SLC9A4: variants seen among roughly 807,000 people sequenced by gnomAD.
The protein encoded by SLC9A4 is sodium/hydrogen exchanger 4.
In SLC9A4, 63 loss-of-function variants were observed where a neutral mutation model predicts 67.4. The observed-to-expected ratio is 0.93, with a 90% CI of 0.76 to 1.15. The LOEUF (loss-of-function observed/expected upper bound fraction) is 1.15. SLC9A4 is among the 50% of genes most tolerant of loss of function. The pLI, the probability that SLC9A4 is intolerant of heterozygous loss-of-function variation, is 0.00. For missense variants in SLC9A4, 1,089 were observed against 987.7 expected, an observed-to-expected ratio of 1.10 and a Z score of -1.38; for synonymous variants, 393 against 367.2, an observed-to-expected ratio of 1.07 and a Z score of -0.80.
intron 9 of SLC9A4, among the ~76,000 whole-genome samples, chr2:102,523,292 A>C (rs11123935): frequency 6.6e-6 from 1 of 151,992 alleles, no homozygotes; most frequent in South Asian, 2.1e-4. Flanking sequence ...CCTTCTTTAC[A>C]ACACTATTTT....
At chr2:102,479,607 C>T (rs905099472) in intron 2 of SLC9A4, among the ~76,000 whole-genome samples, 2 of 152,216 alleles carry the variant, frequency 1.3e-5, no homozygotes, top group Non-Finnish European at 2.9e-5. Flanking sequence ...GAAACTGTTG[C>T]TAATGGCCCT....
At chr2:102,480,847 C>T (rs1684447071) in intron 2 of SLC9A4, among the ~76,000 whole-genome samples, 1 of 152,182 alleles carries the variant, frequency 6.6e-6, no homozygotes, top group African/African-American at 2.4e-5. Context: ...CCTGTACTTG[C>T]CAAGGGGAGG....
chr2:102,474,606 A>G (rs1161791445), intron 1 of SLC9A4, among the ~76,000 whole-genome samples: 3 of 152,208 alleles, frequency 2.0e-5, no homozygotes, highest in Non-Finnish European at 4.4e-5. Flanking sequence ...GGGGCCAGTG[A>G]GGCACCTCTA....
intron 2 of SLC9A4, among the ~76,000 whole-genome samples, chr2:102,480,372 C>CT (rs34742607): frequency 7.3e-6 from 1 of 137,034 alleles, no homozygotes; most frequent in Non-Finnish European, 1.6e-5. Flanking sequence ...TTTTTTTTTT[C>CT]TTTTTTTTGA....
chr2:102,473,482 G>A lies in SLC9A4; in HGVS notation c.-278G>A. 2.3e-6 allele frequency: 1 copy of A among 434,358 alleles called. No homozygotes were observed. The highest frequency in any genetic ancestry group is 4.1e-6 in the Non-Finnish European group (1 of 242,576). 26.9% of individuals were successfully genotyped at this position (434,358 alleles called of 1,614,324 possible). ...AAATTGCTCAAGCCATGATTGGATGGAGGTCCTCCAGGTAGCTCCATGGAC... is the reference window on the plus strand; with the variant it reads ...AAATTGCTCAAGCCATGATTGGATGAAGGTCCTCCAGGTAGCTCCATGGAC... On this transcript the variant is annotated 5_prime_UTR_variant, in exon 1 of 12. An upstream open reading frame in the 5' UTR gains an earlier in-frame stop. Transcript: ENST00000295269.
At position 102,532,662 on chromosome 2, in the gene SLC9A4, C is replaced by T; in HGVS notation, c.2371C>T (p.His791Tyr). ...ACACGGCAGGGACCATCACAGGTCC[C>T]ATAGTCCTTTGCTCCAAAAAAAATA... ...HGHGRDHHRS[H>Y]SPLLQKK Residue 791 changes from histidine (H) to tyrosine (Y), a missense_variant, in exon 12 of 12, where the codon CAT becomes TAT. By Grantham distance (83) the His-to-Tyr change is moderately conservative. Coordinates refer to ENST00000295269, the MANE Select transcript of SLC9A4 (RefSeq NM_001011552.4). 1 of 1,613,540 alleles carries T rather than the reference C, an allele frequency of 6.2e-7. No individual in the cohort carries two copies. Among genetic ancestry groups the T allele is most frequent in the Non-Finnish European group, 8.5e-7 (1 of 1,179,758 alleles).
At chr2:102,494,404 A>T (rs561470752) in intron 2 of SLC9A4, among the ~76,000 whole-genome samples, 1 of 149,346 alleles carries the variant, frequency 6.7e-6, no homozygotes, top group African/African-American at 2.6e-5. Flanking sequence ...ATAAAAATGA[A>T]TGCAGGAAGA....
At position 102,508,194 on chromosome 2, in the gene SLC9A4, A is replaced by G. The variant is rs768313101; in HGVS notation, c.1314A>G (p.Ala438=). ...GAGGAGCTGGAAGTTTTTCACTTGC[A>G]TTTTTGCTTCCTCTGTCTCTTTTTC... ...GVRGAGSFSL[A]FLLPLSLFPR... The change falls in exon 5 of 12, where the codon GCA becomes GCG. Residue 438 remains alanine, a synonymous_variant. Transcript: ENST00000295269. 47 of 1,613,986 alleles carry G rather than the reference A, an allele frequency of 2.9e-5. No individual in the cohort carries two copies. The East Asian group carries it at 4.9e-4, about 17-fold the overall frequency.
intron 2 of SLC9A4, among the ~76,000 whole-genome samples, chr2:102,492,235 C>A (rs1684717984): frequency 6.6e-6 from 1 of 152,212 alleles, no homozygotes; most frequent in South Asian, 2.1e-4. Flanking sequence ...AGGCCTGTGG[C>A]CTTCTTCTCA....
Position 102,474,000 on chromosome 2 carries a change from T to A in SLC9A4, c.241T>A (p.Ser81Thr). 1 of 1,612,910 alleles carries A rather than the reference T, an allele frequency of 6.2e-7. No individual in the cohort carries two copies. The highest frequency in any genetic ancestry group is 8.5e-7 in the Non-Finnish European group (1 of 1,179,272). The change falls in exon 1 of 12, where the codon TCC becomes ACC. Residue 81 changes from serine to threonine, a missense_variant. Physicochemically the swap from Ser to Thr is moderately conservative, Grantham distance 58. Transcript: ENST00000295269. The part of the protein sequence containing the change: ...YEVTLWILLA[S>T]LAKIGFHLYH... ...GGTCACTCTCTGGATACTTCTAGCATCCCTTGCAAAAATAGGTAAGTCCTT... is the reference window on the plus strand; with the variant it reads ...GGTCACTCTCTGGATACTTCTAGCAACCCTTGCAAAAATAGGTAAGTCCTT...
intron 11 of SLC9A4, among the ~76,000 whole-genome samples, chr2:102,529,835 C>T (rs1048934980): frequency 3.9e-5 from 6 of 152,142 alleles, no homozygotes; most frequent in Admixed American, 6.5e-5. Context: ...TCTTGGAGCT[C>T]CATGCTGGTT....
intron 2 of SLC9A4, 103 bp downstream of exon 2, chr2:102,479,405 C>G: frequency 1.6e-6 from 2 of 1,241,408 alleles, no homozygotes; most frequent in South Asian, 1.4e-5. Context: ...CTCAGCGCAG[C>G]AGGACAGGGA....
chr2:102,502,530 C>G (rs73944371), intron 2 of SLC9A4, among the ~76,000 whole-genome samples: 9,304 of 152,216 alleles, frequency 0.061, 892 homozygotes, highest in African/African-American at 0.2. Flanking sequence ...TCTATGTACC[C>G]TAGGGCTGAG....
At chr2:102,505,032 C>T (rs148892974) in intron 3 of SLC9A4, among the ~76,000 whole-genome samples, 1 of 152,254 alleles carries the variant, frequency 6.6e-6, no homozygotes, top group Non-Finnish European at 1.5e-5. Context: ...CGTGCCACGC[C>T]CACCTTCCCA....
Position 102,524,896 on chromosome 2 carries a change from A to G in SLC9A4, c.1819-128A>G, listed in dbSNP as rs561838456. On this transcript the variant is annotated intron_variant, in intron 9 of 11. Coordinates refer to ENST00000295269, the MANE Select transcript of SLC9A4 (RefSeq NM_001011552.4). ...GCTTGTTCATTCGTAATCAAGGCAA[A>G]TGCTTAGCTGACCTCCAAGGTGCTC... 1.4e-5 allele frequency: 16 copies of G among 1,107,468 alleles called. No individual in the cohort carries two copies. The Admixed American group carries it at 1.7e-4, about 12-fold the overall frequency. 68.6% of individuals were successfully genotyped at this position (1,107,468 alleles called of 1,614,324 possible). A position where few individuals can be genotyped will look rare whatever the true frequency, so the allele number is the denominator to read the frequency against.
chr2:102,490,206 A>G (rs1684667344), intron 2 of SLC9A4, among the ~76,000 whole-genome samples: 1 of 152,196 alleles, frequency 6.6e-6, no homozygotes, highest in African/African-American at 2.4e-5. Context: ...GATTAATTGT[A>G]AAGATATGCA....
At position 102,473,717 on chromosome 2, in the gene SLC9A4, G is replaced by A; in HGVS notation, c.-43G>A. ...AAGCCTCCCCGACTTCAGATGTGTG[G>A]CACACATCCACACAGGGGTGTAGGT... On this transcript the variant is annotated 5_prime_UTR_variant, in exon 1 of 12. Coordinates refer to ENST00000295269, the MANE Select transcript of SLC9A4 (RefSeq NM_001011552.4). 2 of 1,603,442 alleles carry A rather than the reference G, an allele frequency of 1.2e-6. No individual in the cohort carries two copies. The highest frequency in any genetic ancestry group is 2.2e-5 in the South Asian group (2 of 90,252).
chr2:102,527,810 ATC>A (rs1674697614), intron 11 of SLC9A4, among the ~76,000 whole-genome samples: 1 of 152,166 alleles, frequency 6.6e-6, no homozygotes, highest in South Asian at 2.1e-4. Flanking sequence ...TTTCATATGA[ATC>A]TCTTTGATTT....
intron 9 of SLC9A4, among the ~76,000 whole-genome samples, chr2:102,521,628 A>G (rs998440993): frequency 8.5e-5 from 13 of 152,122 alleles, no homozygotes; most frequent in African/African-American, 2.7e-4. Flanking sequence ...CTCTTCCACC[A>G]TGGTCCTCTT....
Sources: gnomAD v4.1 joint callset for allele counts (sites outside exome capture counted in the v4.1 genomes callset) on GRCh38, gnomAD v4.1.1 for gene constraint, MANE v1.5 for transcripts, NCBI Gene and HGNC (gene_info 2026-07-23, HGNC 2026-07-21) for gene names.